Variants in LRP6 observed in about 807,000 individuals in gnomAD.
LRP6 encodes LDL receptor related protein 6, also known as low-density lipoprotein receptor-related protein 6.
LRP6 carries 43 observed loss-of-function variants against 184.1 expected under a neutral mutation model. That is an observed-to-expected ratio of 0.23 (90% CI 0.18 to 0.30). LRP6 has a LOEUF of 0.30. Among genes scored for constraint, LRP6 ranks in the 10% least tolerant of loss-of-function variants. The pLI is 1.00. For synonymous variants in LRP6, 719 were observed against 684.9 expected (o/e 1.05, Z -0.78); for missense variants, 1,571 against 2,005.3 (o/e 0.78, Z 4.14).
intron 2 of LRP6, among the ~76,000 whole-genome samples, chr12:12,205,405 T>G (rs1234609254): frequency 6.6e-6 from 1 of 150,558 alleles, no homozygotes; most frequent in Non-Finnish European, 1.5e-5. Flanking sequence ...ATAAATGTGT[T>G]GAAACCCAAA....
intron 1 of LRP6, among the ~76,000 whole-genome samples, chr12:12,251,896 G>T (rs978930825): frequency 2.0e-5 from 3 of 152,032 alleles, no homozygotes; most frequent in African/African-American, 7.3e-5. Context: ...AAGAGACAGG[G>T]TCTCACCCTG....
At chr12:12,245,210 G>A (rs4763789) in intron 1 of LRP6, among the ~76,000 whole-genome samples, 122,961 of 152,194 alleles carry the variant, frequency 0.81, 49,781 homozygotes, top group East Asian at 0.83. Context: ...TCATCAACAG[G>A]CTAATGGATA....
rs554205292 is a variant in LRP6 at position 12,240,070 on chromosome 12, T to G, written c.449+4192A>C. ...CACACAAAGAGACACACACCACGAGTTTGTTGTTTCTTAATTTCCAAGACC... is the reference window on the plus strand; with the variant it reads ...CACACAAAGAGACACACACCACGAGGTTGTTGTTTCTTAATTTCCAAGACC... On this transcript the variant is annotated intron_variant, in intron 2 of 22. Transcript: ENST00000261349. Among the ~76,000 whole-genome samples the G allele has an allele frequency of 3.3e-5, 5 of 150,146 alleles. No homozygotes were observed. In the East Asian group the frequency reaches 9.8e-4, roughly 29 times the overall value.
At chr12:12,259,010 C>G (rs1314523258) in intron 1 of LRP6, among the ~76,000 whole-genome samples, 1 of 152,152 alleles carries the variant, frequency 6.6e-6, no homozygotes, top group Admixed American at 6.5e-5. Context: ...GCCTGTAAGC[C>G]CAGCACTTTG....
rs1339373199 is a variant in LRP6, at chr12:12,130,849, T to C, written c.4015A>G (p.Ile1339Val). 1 of 1,613,406 alleles carries C rather than the reference T, an allele frequency of 6.2e-7. No homozygotes were observed. Among genetic ancestry groups the C allele is most frequent in the Non-Finnish European group, 8.5e-7 (1 of 1,179,336 alleles). Reference sequence around the variant, plus strand: ...TGATCACACTTCTTGTGCTTTCCAATGCACTGACCATTGGCACAGCGGAAC... The same window carrying C: ...TGATCACACTTCTTGTGCTTTCCAACGCACTGACCATTGGCACAGCGGAAC... ...DQFRCANGQCIGKHKKCDHNV... is the reference protein window; with the variant it reads ...DQFRCANGQCVGKHKKCDHNV... The change falls in exon 19 of 23, where the codon ATT becomes GTT. Residue 1339 changes from isoleucine (I) to valine (V), a missense_variant. By Grantham distance (29) the Ile-to-Val change is conservative (BLOSUM62 3). This residue lies in a region of LRP6 where 763 missense variants were observed against 859.5 expected (regional missense o/e 0.89). Coordinates refer to ENST00000261349, the MANE Select transcript of LRP6 (RefSeq NM_002336.3).
At chr12:12,162,492 G>GT (rs1355830809) in intron 9 of LRP6, 73 bp from the exon 10 acceptor site, 2 of 1,312,472 alleles carry the variant, frequency 1.5e-6, no homozygotes, top group African/African-American at 2.9e-5. Context: ...GTTTGGTTTG[G>GT]TTTTTGTCAG....
chr12:12,183,348 C>T (rs1429854042), intron 5 of LRP6, among the ~76,000 whole-genome samples: 2 of 152,202 alleles, frequency 1.3e-5, no homozygotes, highest in Non-Finnish European at 2.9e-5. Context: ...AACAGAAGAA[C>T]TGGTGTTCTT....
intron 8 of LRP6, among the ~76,000 whole-genome samples, chr12:12,164,802 T>C: frequency 6.6e-6 from 1 of 151,642 alleles, no homozygotes; most frequent in East Asian, 1.9e-4. Context: ...GGTATATTAT[T>C]CATACTATCA....
chr12:12,131,096 CATT>C (rs1949747271), intron 18 of LRP6, among the ~76,000 whole-genome samples: 1 of 105,350 alleles, frequency 9.5e-6, no homozygotes. Flanking sequence ...AATTTCCTAA[CATT>C]TTTTTTTTTT....
intron 7 of LRP6, 86 bp downstream of exon 7, chr12:12,179,724 A>G (rs545864189): frequency 4.3e-5 from 62 of 1,456,794 alleles, no homozygotes; most frequent in Non-Finnish European, 5.6e-5. Context: ...TGTTAAGAAA[A>G]AAGAATATCT....
intron 11 of LRP6, 129 bp downstream of exon 11, chr12:12,159,651 C>T (rs1862693406): frequency 2.4e-6 from 2 of 850,120 alleles, no homozygotes; most frequent in East Asian, 5.2e-5. Flanking sequence ...GGATACAATT[C>T]CAGAACAGAA....
At chr12:12,218,476 CAATAATAATAATAATAATAATAAT>C (rs71435901) in intron 2 of LRP6, among the ~76,000 whole-genome samples, 1 of 140,020 alleles carries the variant, frequency 7.1e-6, no homozygotes, top group African/African-American at 2.7e-5. Flanking sequence ...GACCCTCTCT[CAATAATAATAATAATAATAATAAT>C]AATAATAATA....
chr12:12,247,635 G>A (rs1253144747), intron 1 of LRP6, among the ~76,000 whole-genome samples: 2 of 152,134 alleles, frequency 1.3e-5, no homozygotes, highest in African/African-American at 4.8e-5. Context: ...CCACCCTTCT[G>A]ATGCTTGAAT....
chr12:12,147,599 A>G (rs1456603639), intron 14 of LRP6, 43 bp from the exon 15 acceptor site: 1 of 1,414,600 alleles, frequency 7.1e-7, no homozygotes, highest in Non-Finnish European at 1.0e-6. Flanking sequence ...GGAGTAAGAA[A>G]CCACATAAAA....
chr12:12,227,126 G>C (rs1426545829), intron 2 of LRP6, among the ~76,000 whole-genome samples: 1 of 151,898 alleles, frequency 6.6e-6, no homozygotes, highest in Non-Finnish European at 1.5e-5. Context: ...AGAATAGAGC[G>C]AAATATTTTA....
At chr12:12,124,694 T>C (rs1351986292) in intron 21 of LRP6, 32 bp from the exon 22 acceptor site, 3 of 1,347,390 alleles carry the variant, frequency 2.2e-6, no homozygotes, top group Non-Finnish European at 3.1e-6. Context: ...AATATTAAAA[T>C]AACAACATAG....
intron 5 of LRP6, 68 bp downstream of exon 5, chr12:12,183,912 T>C (rs925386128): frequency 1.4e-5 from 21 of 1,452,842 alleles, no homozygotes; most frequent in African/African-American, 4.2e-5. Flanking sequence ...GAGCTGATTA[T>C]AGAGAAAACA....
intron 2 of LRP6, among the ~76,000 whole-genome samples, chr12:12,215,641 G>C (rs939850963): frequency 6.7e-6 from 1 of 148,712 alleles, no homozygotes; most frequent in Non-Finnish European, 1.5e-5. Context: ...GTGAGCCACC[G>C]TGCCTGGCCA....
chr12:12,117,755 A>G lies in LRP6; in HGVS notation c.*3371T>C, dbSNP rs1949537856. On this transcript the variant is annotated 3_prime_UTR_variant, in exon 23 of 23. Coordinates refer to ENST00000261349, the MANE Select transcript of LRP6 (RefSeq NM_002336.3). ...TTCTTCATTAATAGGGCTTTATAGC[A>G]AAAGAAAAAGATGATCCTCCAAAAC... 1 of 152,258 alleles carries G rather than the reference A, an allele frequency of 6.6e-6. No homozygotes were observed. Among genetic ancestry groups the G allele is most frequent in the Non-Finnish European group, 1.5e-5 (1 of 68,030 alleles). 9.4% of individuals were successfully genotyped at this position (152,258 alleles called of 1,614,324 possible). A position where few individuals can be genotyped will look rare whatever the true frequency, so the allele number is the denominator to read the frequency against.
Sources: gnomAD v4.1 joint callset for allele counts (sites outside exome capture counted in the v4.1 genomes callset) on GRCh38, gnomAD v4.1.1 for gene constraint, gnomAD v4.1.1 regional missense constraint, MANE v1.5 for transcripts, NCBI Gene and HGNC (gene_info 2026-07-23, HGNC 2026-07-21) for gene names.